CNBD1: variants seen among roughly 807,000 people sequenced by gnomAD.
CNBD1 encodes cyclic nucleotide binding domain containing 1.
CNBD1 carries 71 observed loss-of-function variants against 54.4 expected under a neutral mutation model. The observed-to-expected ratio is 1.30, with a 90% CI of 1.08 to 1.59. The LOEUF (loss-of-function observed/expected upper bound fraction) is 1.59. Among genes scored for constraint, CNBD1 ranks in the 40% most tolerant of loss-of-function variants. The pLI is 0.00. For synonymous variants in CNBD1, 182 were observed against 170.7 expected (o/e 1.07, Z -0.51); for missense variants, 659 against 518.0 (o/e 1.27, Z -2.64).
rs1011944639 is a variant in CNBD1 at position 87,118,130 on chromosome 8, A to G, written c.432-87863A>G. ...GGAGATTGAGACCAGCCTGGCCAAC[A>G]TGGTGAAACCCCATCTCTACTAAAA... On this transcript the variant is annotated intron_variant, in intron 4 of 10. Coordinates refer to ENST00000518476, the MANE Select transcript of CNBD1 (RefSeq NM_173538.3). Among the ~76,000 whole-genome samples, 4 of 152,016 alleles carry G rather than the reference A, an allele frequency of 2.6e-5. No individual in the cohort carries two copies. The East Asian group carries it at 5.8e-4, about 22-fold the overall frequency.
intron 4 of CNBD1, among the ~76,000 whole-genome samples, chr8:86,982,692 C>G (rs1034382340): frequency 1.3e-5 from 2 of 152,110 alleles, no homozygotes; most frequent in Non-Finnish European, 2.9e-5. Flanking sequence ...ATTACAATGG[C>G]TTTTATTAAG....
intron 2 of CNBD1, among the ~76,000 whole-genome samples, chr8:87,412,100 AG>A (rs1807756330): frequency 1.3e-5 from 2 of 152,054 alleles, no homozygotes; most frequent in Non-Finnish European, 2.9e-5. Flanking sequence ...TAAAGTGTTT[AG>A]AAAAAAATTA....
chr8:87,196,889 G>T (rs1383170696), intron 4 of CNBD1, among the ~76,000 whole-genome samples: 1 of 152,042 alleles, frequency 6.6e-6, no homozygotes, highest in Non-Finnish European at 1.5e-5. Context: ...GAAATAGATA[G>T]AAAGGTGAAT....
intron 4 of CNBD1, among the ~76,000 whole-genome samples, chr8:87,000,353 C>T (rs993087087): frequency 1.3e-5 from 2 of 152,112 alleles, no homozygotes; most frequent in African/African-American, 4.8e-5. Flanking sequence ...CCTCCCCAGC[C>T]ATGTGGGACT....
intron 2 of CNBD1, among the ~76,000 whole-genome samples, chr8:87,410,795 T>G (rs1448695094): frequency 6.6e-6 from 1 of 152,042 alleles, no homozygotes; most frequent in Admixed American, 6.6e-5. Context: ...TGTTGTCGTA[T>G]TTTGAGAAAC....
At chr8:87,238,990 G>C (rs1807635830) in intron 6 of CNBD1, among the ~76,000 whole-genome samples, 1 of 151,882 alleles carries the variant, frequency 6.6e-6, no homozygotes, top group Admixed American at 6.6e-5. Flanking sequence ...CCTTCTACTA[G>C]TACCTAATGC....
At chr8:87,334,421 T>C (rs1641403589) in intron 8 of CNBD1, among the ~76,000 whole-genome samples, 1 of 152,130 alleles carries the variant, frequency 6.6e-6, no homozygotes, top group African/African-American at 2.4e-5. Flanking sequence ...TCCTGCTAGC[T>C]TTTGGATTTC....
chr8:87,375,178 G>T (rs1258384690), intron 10 of CNBD1, among the ~76,000 whole-genome samples: 1 of 151,774 alleles, frequency 6.6e-6, no homozygotes, highest in African/African-American at 2.4e-5. Flanking sequence ...AAGAACAAAT[G>T]TACATGAATT....
chr8:87,130,185 A>T lies in CNBD1; in HGVS notation c.432-75808A>T, dbSNP rs112416626. Among the ~76,000 whole-genome samples the T allele has an allele frequency of 6.4e-4, 97 of 152,302 alleles. 1 individual carries two copies. Among genetic ancestry groups the T allele is most frequent in the African/African-American group, 2.3e-3 (96 of 41,570 alleles). ...CAGCCAAACCATATCAGTGATTTTT[A>T]AAAATTGTTAAATATTTGATTTTTA... is the stretch of plus-strand genomic sequence containing the variant. On this transcript the variant is annotated intron_variant, in intron 4 of 10. Coordinates refer to ENST00000518476, the MANE Select transcript of CNBD1 (RefSeq NM_173538.3).
intron 4 of CNBD1, among the ~76,000 whole-genome samples, chr8:87,170,368 G>T (rs939756899): frequency 6.6e-6 from 1 of 152,082 alleles, no homozygotes; most frequent in Admixed American, 6.6e-5. Context: ...TGCAAACAAA[G>T]ATAATTTGAC....
At chr8:87,165,269 C>T (rs976983266) in intron 4 of CNBD1, among the ~76,000 whole-genome samples, 3 of 151,886 alleles carry the variant, frequency 2.0e-5, no homozygotes, top group Non-Finnish European at 2.9e-5. Flanking sequence ...ATGTCTGTAA[C>T]TCCATTTGGT....
intron 8 of CNBD1, among the ~76,000 whole-genome samples, chr8:87,313,795 A>T (rs1586004622): frequency 6.6e-6 from 1 of 151,882 alleles, no homozygotes; most frequent in African/African-American, 2.4e-5. Context: ...TATGCATTTA[A>T]TTTTTTAACA....
At chr8:87,199,298 T>C (rs1382514307) in intron 4 of CNBD1, among the ~76,000 whole-genome samples, 3 of 152,004 alleles carry the variant, frequency 2.0e-5, no homozygotes, top group Non-Finnish European at 4.4e-5. Context: ...GTAACTAAAA[T>C]TAAAACAAAA....
chr8:87,054,057 A>G (rs1039300598), intron 4 of CNBD1, among the ~76,000 whole-genome samples: 4 of 152,256 alleles, frequency 2.6e-5, no homozygotes. Flanking sequence ...TGTCAAAGAC[A>G]TAGTTTCTCC....
chr8:87,381,546 T>C (rs754521630), intron 10 of CNBD1, among the ~76,000 whole-genome samples: 9 of 151,952 alleles, frequency 5.9e-5, no homozygotes, highest in Non-Finnish European at 1.3e-4. Context: ...GGAATTTAAA[T>C]TGGGATCTCA....
rs1221357091 is a variant in CNBD1 at position 87,325,012 on chromosome 8, T to C, written c.1043-26673T>C. Among the ~76,000 whole-genome samples the C allele has an allele frequency of 3.8e-5, 4 of 105,300 alleles. 1 individual carries two copies. The highest frequency in any genetic ancestry group is 3.4e-4 in the Admixed American group (4 of 11,808). The allele number at this position is 105,300 out of a possible 152,430, so 69.1% of individuals were successfully genotyped here. A position where few individuals can be genotyped will look rare whatever the true frequency, so the allele number is the denominator to read the frequency against. On this transcript the variant is annotated intron_variant, in intron 8 of 10. Coordinates refer to ENST00000518476, the MANE Select transcript of CNBD1 (RefSeq NM_173538.3). Reference sequence around the variant, plus strand: ...ATTCTGGTATGTTGTGTCTTTGTTCTCGTTGGTTTCAAAGAACATCTTTAT... The same window carrying C: ...ATTCTGGTATGTTGTGTCTTTGTTCCCGTTGGTTTCAAAGAACATCTTTAT...
At position 87,238,178 on chromosome 8, in the gene CNBD1, C is replaced by T. The variant is rs61525333; in HGVS notation, c.771+1066C>T. ...AGCAGTACTAATTTCTGGCATTCCA[C>T]CTGAGATGTGATATGGTTTTCAATT... On this transcript the variant is annotated intron_variant, in intron 6 of 10. Transcript: ENST00000518476. Among the ~76,000 whole-genome samples, 472 of 152,066 alleles carry T rather than the reference C, an allele frequency of 3.1e-3. 5 individuals carry two copies. Among genetic ancestry groups the T allele is most frequent in the African/African-American group, 0.011 (451 of 41,454 alleles).
intron 4 of CNBD1, among the ~76,000 whole-genome samples, chr8:86,958,655 G>A (rs923135570): frequency 6.6e-5 from 10 of 152,052 alleles, no homozygotes; most frequent in Admixed American, 5.9e-4. Context: ...TGCAACCCCT[G>A]CTTTTTTTTG....
chr8:87,393,037 G>A (rs986826982), intron 2 of CNBD1, among the ~76,000 whole-genome samples: 2 of 151,908 alleles, frequency 1.3e-5, no homozygotes, highest in East Asian at 3.9e-4. Flanking sequence ...AGGACTGTGT[G>A]ATGACTCCTA....
Sources: gnomAD v4.1 joint callset for allele counts (sites outside exome capture counted in the v4.1 genomes callset) on GRCh38, gnomAD v4.1.1 for gene constraint, MANE v1.5 for transcripts, NCBI Gene and HGNC (gene_info 2026-07-23, HGNC 2026-07-21) for gene names.